SNX24: variants seen among roughly 807,000 people sequenced by gnomAD.
The protein encoded by SNX24 is sorting nexin 24.
In SNX24, 22 loss-of-function variants were observed where a neutral mutation model predicts 28.7. That is an observed-to-expected ratio of 0.77 (90% CI 0.55 to 1.10). SNX24 has a LOEUF of 1.10. Among genes scored for constraint, SNX24 ranks in the 50% least tolerant of loss-of-function variants. SNX24 has a pLI of 0.00. For missense variants in SNX24, 221 were observed against 201.1 expected (o/e 1.10, Z -0.60); for synonymous variants, 69 against 71.5 (o/e 0.96, Z 0.18).
chr5:123,006,813 G>A (rs1211860582), intron 6 of SNX24, among the ~76,000 whole-genome samples: 3 of 152,118 alleles, frequency 2.0e-5, no homozygotes, highest in African/African-American at 7.2e-5. Context: ...CTCTGATGAG[G>A]CCCAATCCCC....
chr5:122,981,516 G>C (rs1021126336), intron 3 of SNX24, among the ~76,000 whole-genome samples: 1 of 152,216 alleles, frequency 6.6e-6, no homozygotes, highest in Non-Finnish European at 1.5e-5. Flanking sequence ...TTACAGAGTT[G>C]TGTGACCATC....
chr5:122,915,879 T>C (rs1005088022), intron 1 of SNX24, among the ~76,000 whole-genome samples: 1 of 152,266 alleles, frequency 6.6e-6, no homozygotes, highest in Admixed American at 6.5e-5. Flanking sequence ...CTCTTTGTTT[T>C]GTCCTCATAT....
chr5:122,866,768 C>G (rs933363561), intron 1 of SNX24, among the ~76,000 whole-genome samples: 1 of 152,186 alleles, frequency 6.6e-6, no homozygotes, highest in African/African-American at 2.4e-5. Flanking sequence ...CATAGCAGAG[C>G]AATACATGGC....
chr5:122,942,017 C>A (rs1345517883), intron 2 of SNX24, among the ~76,000 whole-genome samples: 2 of 152,162 alleles, frequency 1.3e-5, no homozygotes, highest in Non-Finnish European at 2.9e-5. Flanking sequence ...TGTCCACACC[C>A]CACTATGGCC....
intron 1 of SNX24, among the ~76,000 whole-genome samples, chr5:122,892,966 A>G (rs971014622): frequency 1.4e-5 from 2 of 145,928 alleles, no homozygotes; most frequent in African/African-American, 2.5e-5. Context: ...GGGTTTCACC[A>G]TGTTTGCCAG....
chr5:122,943,670 G>A (rs1188434499), intron 2 of SNX24, among the ~76,000 whole-genome samples: 3 of 152,156 alleles, frequency 2.0e-5, no homozygotes, highest in African/African-American at 7.2e-5. Flanking sequence ...TAGCCATGTG[G>A]CTCTCTCATC....
intron 1 of SNX24, among the ~76,000 whole-genome samples, chr5:122,878,180 G>A (rs1488075899): frequency 4.6e-5 from 7 of 152,124 alleles, no homozygotes; most frequent in African/African-American, 9.7e-5. Context: ...GGGAAGGTTG[G>A]TGCCACTTCC....
intron 3 of SNX24, among the ~76,000 whole-genome samples, chr5:122,999,417 T>G (rs1239412375): frequency 2.6e-5 from 4 of 151,940 alleles, no homozygotes; most frequent in Non-Finnish European, 4.4e-5. Flanking sequence ...AAATAATTTA[T>G]CATATTTCCT....
chr5:122,848,429 C>T (rs922876759), intron 1 of SNX24, among the ~76,000 whole-genome samples: 8 of 149,774 alleles, frequency 5.3e-5, no homozygotes, highest in Non-Finnish European at 1.0e-4. Flanking sequence ...ACGGCCGGGG[C>T]GTGGTGGCTC....
At chr5:122,965,015 TG>T (rs2150141918) in intron 3 of SNX24, among the ~76,000 whole-genome samples, 1 of 152,328 alleles carries the variant, frequency 6.6e-6, no homozygotes, top group Admixed American at 6.5e-5. Flanking sequence ...TTAATCTTCA[TG>T]TAGCATATTC....
rs1216978776 is a variant in SNX24, at chr5:122,851,999, G to A, written c.60+6306G>A. 2.0e-5 allele frequency among the ~76,000 whole-genome samples: 3 copies of A among 151,778 alleles called. No homozygotes were observed. The East Asian group carries it at 5.8e-4, about 29-fold the overall frequency. ...GTTGTTTTTGTTGGTTTTAAAATAAGCACAATGTAAACCCTGCCTTGGAAT... is the reference window on the plus strand; with the variant it reads ...GTTGTTTTTGTTGGTTTTAAAATAAACACAATGTAAACCCTGCCTTGGAAT... On this transcript the variant is annotated intron_variant, in intron 1 of 6. Transcript: ENST00000261369.
chr5:122,953,847 C>G (rs1227674882), intron 3 of SNX24, among the ~76,000 whole-genome samples: 11 of 152,074 alleles, frequency 7.2e-5, no homozygotes. Context: ...AGAAATAGCT[C>G]ACAGAAATCA....
chr5:122,863,714 C>T (rs1476351533), intron 1 of SNX24, among the ~76,000 whole-genome samples: 1 of 151,904 alleles, frequency 6.6e-6, no homozygotes, highest in African/African-American at 2.4e-5. Context: ...TGCTATCACA[C>T]CTGGCTAATT....
chr5:122,985,779 T>A (rs971067197), intron 3 of SNX24, among the ~76,000 whole-genome samples: 1 of 152,236 alleles, frequency 6.6e-6, no homozygotes, highest in South Asian at 2.1e-4. Flanking sequence ...CTCTTTATAC[T>A]AAGCCAAAGT....
chr5:122,880,262 G>A (rs772780940), intron 1 of SNX24, among the ~76,000 whole-genome samples: 1 of 146,388 alleles, frequency 6.8e-6, no homozygotes, highest in Non-Finnish European at 1.5e-5. Flanking sequence ...TTTCGGAGAC[G>A]TGTGCCAGTG....
chr5:122,877,029 C>G (rs1756255666), intron 1 of SNX24, among the ~76,000 whole-genome samples: 1 of 152,098 alleles, frequency 6.6e-6, no homozygotes, highest in Non-Finnish European at 1.5e-5. Context: ...AGGAGGACTA[C>G]CTTTGTTCTT....
At chr5:122,903,539 C>A (rs907545204) in intron 1 of SNX24, among the ~76,000 whole-genome samples, 3 of 152,200 alleles carry the variant, frequency 2.0e-5, no homozygotes, top group African/African-American at 7.2e-5. Flanking sequence ...GCAAATCATG[C>A]TTTATGCATC....
At chr5:122,958,768 C>A (rs1760331769) in intron 3 of SNX24, among the ~76,000 whole-genome samples, 1 of 151,564 alleles carries the variant, frequency 6.6e-6, no homozygotes, top group Admixed American at 6.6e-5. Context: ...CTATGTTGCC[C>A]AGGCTGGTCT....
chr5:122,860,745 T>C (rs935161776), intron 1 of SNX24, among the ~76,000 whole-genome samples: 6 of 151,960 alleles, frequency 3.9e-5, no homozygotes, highest in Non-Finnish European at 7.4e-5. Flanking sequence ...TACAGGCGCC[T>C]GCCACCATGC....
Sources: allele counts gnomAD v4.1 joint callset (sites outside exome capture counted in the v4.1 genomes callset), GRCh38; gene constraint gnomAD v4.1.1; transcripts MANE v1.5; gene names NCBI Gene and HGNC (gene_info 2026-07-23, HGNC 2026-07-21).